TINAG: variants seen among roughly 807,000 people sequenced by gnomAD.
TINAG encodes tubulointerstitial nephritis antigen.
In TINAG, 83 loss-of-function variants were observed where a neutral mutation model predicts 72.7. The ratio of observed to expected loss-of-function variants is 1.14; its 90% CI spans 0.96 to 1.37. TINAG has a LOEUF of 1.37. Among genes scored for constraint, TINAG ranks in the 40% most tolerant of loss-of-function variants. The pLI, the probability that TINAG is intolerant of heterozygous loss-of-function variation, is 0.00. For synonymous variants in TINAG, 234 were observed against 189.9 expected, an observed-to-expected ratio of 1.23 and a Z score of -1.91; for missense variants, 685 against 576.6, an observed-to-expected ratio of 1.19 and a Z score of -1.93.
chr6:54,345,639 T>A (rs1397480973), intron 5 of TINAG, among the ~76,000 whole-genome samples: 1 of 152,116 alleles, frequency 6.6e-6, no homozygotes, highest in Non-Finnish European at 1.5e-5. Flanking sequence ...CTTTCCTTGA[T>A]GAAATGGGGA....
chr6:54,368,012 C>T (rs1763486041), intron 9 of TINAG, among the ~76,000 whole-genome samples: 2 of 151,598 alleles, frequency 1.3e-5, no homozygotes, highest in African/African-American at 2.4e-5. Flanking sequence ...ACCCCACCTC[C>T]TAATACCATT....
chr6:54,343,329 C>G lies in TINAG; in HGVS notation c.728C>G (p.Ser243Cys). Residue 243 changes from serine to cysteine, a missense_variant, in exon 5 of 11, where the codon TCC becomes TGC. Physicochemically the swap from Ser to Cys is moderately radical, Grantham distance 112 (BLOSUM62 -1). Coordinates refer to ENST00000259782, the MANE Select transcript of TINAG (RefSeq NM_014464.4). ...GPLDQKNCAA[S>C]WAFSTASVAA... ...TTGGATCAAAAAAATTGTGCTGCAT[C>G]CTGGGCATTTTCCACTGCAAGTAAT... 3.9e-6 allele frequency: 6 copies of G among 1,553,714 alleles called. No homozygotes were observed. Among genetic ancestry groups the G allele is most frequent in the Non-Finnish European group, 5.2e-6 (6 of 1,147,480 alleles).
Position 54,332,555 on chromosome 6 carries a change from C to T in TINAG, c.624+5639C>T, listed in dbSNP as rs1003476857. 4.6e-5 allele frequency among the ~76,000 whole-genome samples: 7 copies of T among 151,940 alleles called. 1 individual carries two copies. The highest frequency in any genetic ancestry group is 7.4e-5 in the Non-Finnish European group (5 of 67,960). On this transcript the variant is annotated intron_variant, in intron 4 of 10. Transcript: ENST00000259782. ...GGCAATACCATTCAGGACATAGGCACGGGCAAAGACTTCATGAATAAAACA... is the reference window on the plus strand; with the variant it reads ...GGCAATACCATTCAGGACATAGGCATGGGCAAAGACTTCATGAATAAAACA...
intron 4 of TINAG, among the ~76,000 whole-genome samples, chr6:54,331,712 A>T (rs1280351123): frequency 1.3e-5 from 2 of 152,186 alleles, no homozygotes; most frequent in Non-Finnish European, 2.9e-5. Flanking sequence ...AGAAAACCGC[A>T]TTGTTTCAGC....
chr6:54,379,228 G>A (rs1359652367), intron 9 of TINAG, among the ~76,000 whole-genome samples: 1 of 152,166 alleles, frequency 6.6e-6, no homozygotes, highest in Non-Finnish European at 1.5e-5. Flanking sequence ...CACACTACAA[G>A]TGGGGCCTAT....
At chr6:54,311,510 G>A (rs1463660499) in intron 1 of TINAG, among the ~76,000 whole-genome samples, 11 of 152,094 alleles carry the variant, frequency 7.2e-5, no homozygotes, top group South Asian at 2.1e-4. Flanking sequence ...AGTACTATAC[G>A]GGGACACGTC....
intron 8 of TINAG, among the ~76,000 whole-genome samples, 178 bp from the exon 9 acceptor site, chr6:54,354,335 T>TA (rs906453550): frequency 2.6e-5 from 4 of 151,880 alleles, no homozygotes; most frequent in African/African-American, 9.7e-5. Context: ...TTTTATAAGA[T>TA]AAAAAAATAT....
intron 9 of TINAG, 87 bp from the exon 10 acceptor site, chr6:54,380,439 T>C: frequency 9.1e-7 from 1 of 1,103,064 alleles, no homozygotes; most frequent in Non-Finnish European, 1.3e-6. Context: ...GCACAAAAGA[T>C]GTAGGAATGA....
chr6:54,327,740 T>C (rs1784641427), intron 4 of TINAG, among the ~76,000 whole-genome samples: 1 of 152,054 alleles, frequency 6.6e-6, no homozygotes, highest in African/African-American at 2.4e-5. Flanking sequence ...CAGTCTGAAA[T>C]TGACCTGGGA....
chr6:54,313,326 G>A (rs1368195278), intron 1 of TINAG, among the ~76,000 whole-genome samples: 1 of 152,082 alleles, frequency 6.6e-6, no homozygotes, highest in African/African-American at 2.4e-5. Flanking sequence ...TTTAAATATA[G>A]TTTCTAATAG....
intron 4 of TINAG, among the ~76,000 whole-genome samples, chr6:54,329,155 C>A (rs1216319839): frequency 6.6e-6 from 1 of 151,864 alleles, no homozygotes; most frequent in South Asian, 2.1e-4. Context: ...GAAGAGCAAG[C>A]CCGAGACACA....
chr6:54,360,609 T>C (rs553732542), intron 9 of TINAG, among the ~76,000 whole-genome samples: 115 of 151,740 alleles, frequency 7.6e-4, no homozygotes, highest in African/African-American at 2.7e-3. Flanking sequence ...CTCAAGTTGG[T>C]TGTAATGCAT....
In TINAG at chr6:54,349,741, C is replaced by G; in HGVS notation, c.925C>G (p.Leu309Val). ...ACTGGTATCCCACGCATGCTACCCA[C>G]TTTTCAAAGACCAAAATGCTACCAA... ...RGLVSHACYP[L>V]FKDQNATNNG... The change falls in exon 7 of 11, where the codon CTT becomes GTT. Residue 309 changes from leucine to valine, a missense_variant. Coordinates refer to ENST00000259782, the MANE Select transcript of TINAG (RefSeq NM_014464.4). The G allele has an allele frequency of 6.3e-7, 1 of 1,599,108 alleles. No homozygotes were observed. Among genetic ancestry groups the G allele is most frequent in the African/African-American group, 1.3e-5 (1 of 74,552 alleles).
At chr6:54,374,064 T>C (rs12215711) in intron 9 of TINAG, among the ~76,000 whole-genome samples, 21,774 of 152,088 alleles carry the variant, frequency 0.14, 1,753 homozygotes, top group Non-Finnish European at 0.18. Context: ...GACCAGAGTA[T>C]GAACTGGGCA....
chr6:54,383,729 A>G (rs996956451), intron 10 of TINAG, among the ~76,000 whole-genome samples: 1 of 152,184 alleles, frequency 6.6e-6, no homozygotes, highest in East Asian at 1.9e-4. Context: ...AAAATTAAGA[A>G]AAATCTAGAT....
chr6:54,372,771 T>TATATAC (rs1554209171), intron 9 of TINAG, among the ~76,000 whole-genome samples: 6 of 140,144 alleles, frequency 4.3e-5, no homozygotes, highest in Non-Finnish European at 9.3e-5. Context: ...TATATATATA[T>TATATAC]ACACACACAC....
chr6:54,320,519 T>G lies in TINAG; in HGVS notation c.356-60T>G, dbSNP rs77785572. 1.4e-3 allele frequency: 1,825 copies of G among 1,338,572 alleles called. 17 individuals are homozygous for G. The African/African-American group carries it at 0.023, about 17-fold the overall frequency. 82.9% of individuals were successfully genotyped at this position (1,338,572 alleles called of 1,614,324 possible). ...AACTATGATTTTTGATTACATTTTA[T>G]GTTAATGCACTTTATTACTTAGTTT... On this transcript the variant is annotated intron_variant, in intron 1 of 10. Transcript: ENST00000259782.
At chr6:54,328,145 G>A (rs115795527) in intron 4 of TINAG, among the ~76,000 whole-genome samples, 1 of 152,244 alleles carries the variant, frequency 6.6e-6, no homozygotes, top group South Asian at 2.1e-4. Flanking sequence ...CCTCAAGTGG[G>A]TTCCTGACCC....
chr6:54,378,010 G>C (rs2150980788), intron 9 of TINAG, among the ~76,000 whole-genome samples: 1 of 152,052 alleles, frequency 6.6e-6, no homozygotes, highest in South Asian at 2.1e-4. Flanking sequence ...TGAAATATTT[G>C]ATAACTGTCT....
Sources: gnomAD v4.1 joint callset for allele counts (sites outside exome capture counted in the v4.1 genomes callset) on GRCh38, gnomAD v4.1.1 for gene constraint, MANE v1.5 for transcripts, NCBI Gene and HGNC (gene_info 2026-07-23, HGNC 2026-07-21) for gene names.